Variants in STK31 observed in about 807,000 individuals in gnomAD.
STK31 encodes the protein serine/threonine kinase 31, also known as serine/threonine-protein kinase 31.
Under a neutral mutation model 129.7 loss-of-function variants are expected in STK31, and 89 were observed. That is an observed-to-expected ratio of 0.69 (90% CI 0.58 to 0.82). The LOEUF (loss-of-function observed/expected upper bound fraction) is 0.82. Ranked by LOEUF, STK31 falls within the 40% of genes least tolerant of loss-of-function variation. The pLI, the probability that STK31 is intolerant of heterozygous loss-of-function variation, is 0.00. For missense variants in STK31, 1,187 were observed against 1,176.4 expected (o/e 1.01, Z -0.13); for synonymous variants, 448 against 395.3 (o/e 1.13, Z -1.58).
At chr7:23,729,067 G>T in intron 5 of STK31, 24 bp from the exon 6 acceptor site, 3 of 1,574,012 alleles carry the variant, frequency 1.9e-6, no homozygotes, top group Non-Finnish European at 2.6e-6. Flanking sequence ...GTCAGTATTC[G>T]TATTTGTCTC....
intron 8 of STK31, among the ~76,000 whole-genome samples, chr7:23,744,996 G>T (rs1177637074): frequency 1.3e-5 from 2 of 152,180 alleles, no homozygotes; most frequent in South Asian, 4.1e-4. Context: ...TGGGCTCTTA[G>T]GCAGTGGGCA....
chr7:23,761,171 C>G (rs6953133), intron 10 of STK31, among the ~76,000 whole-genome samples: 79,452 of 151,932 alleles, frequency 0.52, 21,063 homozygotes, highest in East Asian at 0.64. Flanking sequence ...TTAGCACTTA[C>G]TATCCTATGA....
At chr7:23,749,513 T>A (rs1353463841) in intron 8 of STK31, among the ~76,000 whole-genome samples, 1 of 150,802 alleles carries the variant, frequency 6.6e-6, no homozygotes, top group African/African-American at 2.4e-5. Flanking sequence ...TGGCTAATTT[T>A]TGCTTTTTTT....
Position 23,717,483 on chromosome 7 carries a change from T to C in STK31, c.153T>C (p.Ser51=). Residue 51 remains serine (S), a splice_region_variant and synonymous_variant, in exon 4 of 24, where the codon AGT becomes AGC. Coordinates refer to ENST00000355870, the MANE Select transcript of STK31 (RefSeq NM_031414.5). Reference sequence around the variant, plus strand: ...TATACTATATCTAATCTTTCTAGAGTATCAATAGAAATAAGGATATCATGA... The same window carrying C: ...TATACTATATCTAATCTTTCTAGAGCATCAATAGAAATAAGGATATCATGA... ...IEDAVTFWAQ[S]INRNKDIMKI... 6.3e-7 allele frequency: 1 copy of C among 1,594,862 alleles called. No individual in the cohort carries two copies. The highest frequency in any genetic ancestry group is 8.6e-7 in the Non-Finnish European group (1 of 1,163,880).
intron 8 of STK31, 62 bp downstream of exon 8, chr7:23,737,140 CTATT>C: frequency 7.4e-7 from 1 of 1,356,044 alleles, no homozygotes; most frequent in Non-Finnish European, 9.6e-7. Flanking sequence ...TCATCTGCTG[CTATT>C]TATTTTTCTG....
intron 15 of STK31, among the ~76,000 whole-genome samples, chr7:23,778,678 C>T (rs759203197): frequency 2.0e-5 from 3 of 151,914 alleles, no homozygotes; most frequent in Admixed American, 2.0e-4. Context: ...TTTTTCAGCT[C>T]CATGAAGTCA....
intron 23 of STK31, among the ~76,000 whole-genome samples, chr7:23,829,069 T>G (rs1794384239): frequency 6.8e-6 from 1 of 146,378 alleles, no homozygotes; most frequent in South Asian, 2.1e-4. Flanking sequence ...CCCAGCAAAT[T>G]TTTTTTTTTT....
intron 15 of STK31, among the ~76,000 whole-genome samples, chr7:23,773,821 C>T (rs576432514): frequency 2.2e-4 from 33 of 151,746 alleles, no homozygotes; most frequent in Non-Finnish European, 3.8e-4. Context: ...AGTACATGTG[C>T]ACAACGTGCA....
At chr7:23,749,335 T>A (rs1047573907) in intron 8 of STK31, among the ~76,000 whole-genome samples, 13 of 146,874 alleles carry the variant, frequency 8.9e-5, no homozygotes, top group Admixed American at 5.0e-4. Flanking sequence ...TCTTTTCTTT[T>A]CTTTTCTTGT....
chr7:23,757,482 A>G (rs1789165882), intron 10 of STK31, among the ~76,000 whole-genome samples: 1 of 152,024 alleles, frequency 6.6e-6, no homozygotes, highest in Admixed American at 6.5e-5. Context: ...CATGTGAACA[A>G]ATGTCTCTGT....
intron 6 of STK31, among the ~76,000 whole-genome samples, chr7:23,734,181 A>G (rs963422984): frequency 2.6e-5 from 4 of 152,158 alleles, no homozygotes; most frequent in Non-Finnish European, 4.4e-5. Context: ...CTTTGTTTGC[A>G]TAAACTATAT....
chr7:23,817,974 T>C (rs1376567288), intron 23 of STK31, among the ~76,000 whole-genome samples: 1 of 152,032 alleles, frequency 6.6e-6, no homozygotes, highest in Non-Finnish European at 1.5e-5. Context: ...TTTCTTACTT[T>C]CTAATCTTTA....
At chr7:23,781,303 A>G (rs1790909716) in intron 15 of STK31, 116 bp from the exon 16 acceptor site, 2 of 672,770 alleles carry the variant, frequency 3.0e-6, no homozygotes, top group Non-Finnish European at 2.5e-6. Flanking sequence ...TTTATGTGCT[A>G]GGTACTGAAG....
At chr7:23,752,342 A>C (rs1320373317) in intron 8 of STK31, among the ~76,000 whole-genome samples, 1 of 140,726 alleles carries the variant, frequency 7.1e-6, no homozygotes, top group Non-Finnish European at 1.5e-5. Context: ...ATTTTATTCA[A>C]ATTTGGAATT....
intron 8 of STK31, among the ~76,000 whole-genome samples, chr7:23,738,095 A>G (rs374643516): frequency 3.9e-5 from 6 of 152,188 alleles, no homozygotes; most frequent in African/African-American, 1.2e-4. Context: ...GGCTACTTGC[A>G]TATCTACCCC....
At chr7:23,750,647 A>G (rs1788656087) in intron 8 of STK31, among the ~76,000 whole-genome samples, 1 of 152,180 alleles carries the variant, frequency 6.6e-6, no homozygotes, top group South Asian at 2.1e-4. Context: ...TATTTACAAC[A>G]TTTCCTCGTG....
intron 15 of STK31, among the ~76,000 whole-genome samples, chr7:23,775,264 T>G (rs575837790): frequency 2.6e-5 from 4 of 152,228 alleles, no homozygotes; most frequent in Admixed American, 1.3e-4. Flanking sequence ...GGTAGCATGA[T>G]GCCTCCAGCT....
At chr7:23,815,249 C>T (rs1793401291) in intron 23 of STK31, 37 bp downstream of exon 23, 3 of 1,368,746 alleles carry the variant, frequency 2.2e-6, no homozygotes, top group East Asian at 2.5e-5. Context: ...GTTTGAAACA[C>T]ATGCAGTAAT....
intron 8 of STK31, among the ~76,000 whole-genome samples, chr7:23,750,419 T>C (rs867987724): frequency 3.3e-5 from 5 of 152,216 alleles, no homozygotes; most frequent in African/African-American, 4.8e-5. Flanking sequence ...AGAAAAGTTG[T>C]TGATTTCCAC....
Sources: gnomAD v4.1 joint callset for allele counts (sites outside exome capture counted in the v4.1 genomes callset) on GRCh38, gnomAD v4.1.1 for gene constraint, MANE v1.5 for transcripts, NCBI Gene and HGNC (gene_info 2026-07-23, HGNC 2026-07-21) for gene names.